ZMYM2: variants seen among roughly 807,000 people sequenced by gnomAD.
The protein encoded by ZMYM2 is zinc finger MYM-type containing 2.
Under a neutral mutation model 162.8 loss-of-function variants are expected in ZMYM2, and 56 were observed. The observed-to-expected ratio is 0.34, with a 90% CI of 0.28 to 0.43. The LOEUF (loss-of-function observed/expected upper bound fraction) is 0.43. Ranked by LOEUF, ZMYM2 falls within the 20% of genes least tolerant of loss-of-function variation. ZMYM2 has a pLI of 1.00. For missense variants in ZMYM2, 1,275 were observed against 1,621.8 expected (o/e 0.79, Z 3.67); for synonymous variants, 510 against 541.6 (o/e 0.94, Z 0.81).
chr13:20,037,916 T>C (rs1953880265), intron 12 of ZMYM2, among the ~76,000 whole-genome samples: 1 of 152,130 alleles, frequency 6.6e-6, no homozygotes, highest in South Asian at 2.1e-4. Flanking sequence ...TAGTACCCAT[T>C]AGTTATTTTT....
intron 21 of ZMYM2, chr13:20,068,033 T>G: frequency 5.9e-6 from 1 of 170,798 alleles, no homozygotes; most frequent in East Asian, 1.1e-4. Flanking sequence ...AGTAAATCAC[T>G]GAAGAAAACT....
At chr13:20,021,539 T>A (rs1274734392) in intron 7 of ZMYM2, among the ~76,000 whole-genome samples, 1 of 152,194 alleles carries the variant, frequency 6.6e-6, no homozygotes, top group Non-Finnish European at 1.5e-5. Flanking sequence ...TTTTGAGGCT[T>A]GCTTTTAAGT....
intron 9 of ZMYM2, among the ~76,000 whole-genome samples, chr13:20,029,260 G>C (rs561329138): frequency 1.1e-4 from 16 of 152,320 alleles, no homozygotes; most frequent in African/African-American, 3.6e-4. Flanking sequence ...TAGCGAATGA[G>C]CTCCCTCAGG....
At chr13:20,009,823 A>G (rs1183558090) in intron 6 of ZMYM2, among the ~76,000 whole-genome samples, 2 of 152,200 alleles carry the variant, frequency 1.3e-5, no homozygotes, top group Non-Finnish European at 2.9e-5. Flanking sequence ...TCCCTATGAT[A>G]GATGTTGCTT....
chr13:19,915,753 C>T, the ZMYM2 span, among the ~76,000 whole-genome samples: 1 of 152,014 alleles, frequency 6.6e-6, no homozygotes, highest in Admixed American at 6.6e-5. Context: ...ATCCAACCGC[C>T]TCGCCCTCCC....
At chr13:19,892,372 C>T in the ZMYM2 span, among the ~76,000 whole-genome samples, 2 of 151,708 alleles carry the variant, frequency 1.3e-5, no homozygotes, top group African/African-American at 4.9e-5. Context: ...CCTGGGTTCA[C>T]GCCATTCTCC....
intron 15 of ZMYM2, chr13:20,059,034 A>C (rs1452456685): frequency 2.4e-6 from 1 of 417,706 alleles, no homozygotes; most frequent in Non-Finnish European, 4.4e-6. Context: ...TTGTAATGGT[A>C]ACAGTTCTGT....
At chr13:19,978,628 TG>T (rs1387647648) in intron 2 of ZMYM2, among the ~76,000 whole-genome samples, 1 of 152,060 alleles carries the variant, frequency 6.6e-6, no homozygotes, top group East Asian at 1.9e-4. Context: ...TTGGTCAGGC[TG>T]GTCTGAAACT....
intron 12 of ZMYM2, among the ~76,000 whole-genome samples, chr13:20,041,881 G>GC (rs1231532998): frequency 6.6e-6 from 1 of 152,040 alleles, no homozygotes; most frequent in East Asian, 1.9e-4. Context: ...TTGAATATTG[G>GC]CCCCCAATCT....
the ZMYM2 span, among the ~76,000 whole-genome samples, chr13:19,901,291 G>C: frequency 1.3e-5 from 2 of 152,126 alleles, no homozygotes; most frequent in African/African-American, 4.8e-5. Context: ...ATACCCAAAG[G>C]AATTGAAAGC....
At chr13:19,876,919 T>A in the ZMYM2 span, among the ~76,000 whole-genome samples, 1 of 152,208 alleles carries the variant, frequency 6.6e-6, no homozygotes, top group African/African-American at 2.4e-5. Flanking sequence ...TGAGACTGGA[T>A]AATTTCTTTT....
chr13:20,015,965 A>AT (rs1951590811), intron 6 of ZMYM2, among the ~76,000 whole-genome samples: 1 of 152,064 alleles, frequency 6.6e-6, no homozygotes, highest in South Asian at 2.1e-4. Flanking sequence ...TAGGAAAAAA[A>AT]TGATGCCTTT....
the ZMYM2 span, among the ~76,000 whole-genome samples, chr13:19,880,838 T>G: frequency 6.6e-6 from 1 of 152,236 alleles, no homozygotes; most frequent in Non-Finnish European, 1.5e-5. Context: ...TGAATTTACT[T>G]ATTAGTTCTA....
At chr13:19,912,693 T>C in the ZMYM2 span, among the ~76,000 whole-genome samples, 2,421 of 152,238 alleles carry the variant, frequency 0.016, 39 homozygotes, top group Middle Eastern at 0.027. Context: ...GTCCATTACA[T>C]TGATGGTACC....
At chr13:20,017,090 G>A (rs1951693410) in intron 6 of ZMYM2, among the ~76,000 whole-genome samples, 1 of 152,130 alleles carries the variant, frequency 6.6e-6, no homozygotes, top group Non-Finnish European at 1.5e-5. Context: ...GTTGGTAAAA[G>A]CTCTGACTTT....
At chr13:19,905,006 A>ATTTT in the ZMYM2 span, among the ~76,000 whole-genome samples, 5 of 129,916 alleles carry the variant, frequency 3.8e-5, no homozygotes, top group Admixed American at 8.3e-5. Context: ...CTTGCTTTCA[A>ATTTT]TTTTTTTTTT....
chr13:19,948,880 C>A, the ZMYM2 span, among the ~76,000 whole-genome samples: 1 of 152,174 alleles, frequency 6.6e-6, no homozygotes, highest in Non-Finnish European at 1.5e-5. Flanking sequence ...TAACAATTAT[C>A]CTTACATGCA....
At chr13:20,060,938 A>G in intron 16 of ZMYM2, 115 bp from the exon 17 acceptor site, 1 of 1,006,924 alleles carries the variant, frequency 9.9e-7, no homozygotes, top group Non-Finnish European at 1.4e-6. Flanking sequence ...GTTCTTTTCA[A>G]AGCTTTTATC....
chr13:19,932,976 T>A, the ZMYM2 span, among the ~76,000 whole-genome samples: 2 of 152,132 alleles, frequency 1.3e-5, no homozygotes, highest in Non-Finnish European at 2.9e-5. Flanking sequence ...TAGAGACAGG[T>A]CTCATTCTGT....
Sources: gnomAD v4.1 joint callset for allele counts (sites outside exome capture counted in the v4.1 genomes callset) on GRCh38, gnomAD v4.1.1 for gene constraint, MANE v1.5 for transcripts, NCBI Gene and HGNC (gene_info 2026-07-23, HGNC 2026-07-21) for gene names.